Variants in FAM111A observed in about 807,000 individuals in gnomAD.
FAM111A encodes FAM111 trypsin like peptidase A.
In FAM111A, 8 loss-of-function variants were observed where a neutral mutation model predicts 3.3. The ratio of observed to expected loss-of-function variants is 2.39; its 90% CI spans 1.40 to 4.32. The LOEUF (loss-of-function observed/expected upper bound fraction) is 4.32. Among genes scored for constraint, FAM111A ranks in the 30% most tolerant of loss-of-function variants. FAM111A has a pLI of 0.00. For synonymous variants in FAM111A, 227 were observed against 243.1 expected, an observed-to-expected ratio of 0.93 and a Z score of 0.62; for missense variants, 683 against 727.6, an observed-to-expected ratio of 0.94 and a Z score of 0.71.
In FAM111A at chr11:59,152,542, T is replaced by C; in HGVS notation, c.874T>C (p.Leu292=). 1 of 1,614,066 alleles carries C rather than the reference T, an allele frequency of 6.2e-7. No individual in the cohort carries two copies. The highest frequency in any genetic ancestry group is 8.5e-7 in the Non-Finnish European group (1 of 1,180,022). The change falls in exon 6 of 6, where the codon TTG becomes CTG. Residue 292 remains leucine, a synonymous_variant. Transcript: ENST00000675163. ...GTCAGAGAAAAGAAACACCTGTGTG[T>C]TGAGAGAACAAATCGTGGCTCAGTA... ...PESEKRNTCV[L]REQIVAQYPS... is the part of the protein sequence containing the mutation.
rs920664139 is a variant in FAM111A at position 59,142,938 on chromosome 11, T to C, written c.-536T>C. 1.3e-5 allele frequency: 2 copies of C among 152,166 alleles called. No homozygotes were observed. The highest frequency in any genetic ancestry group is 2.9e-5 in the Non-Finnish European group (2 of 68,082). 9.4% of individuals were successfully genotyped at this position (152,166 alleles called of 1,614,324 possible). On this transcript the variant is annotated 5_prime_UTR_variant, in exon 1 of 6. Coordinates refer to ENST00000675163, the MANE Select transcript of FAM111A (RefSeq NM_001312909.2). ...CTCGGGACTGGGGAAACCGGGAGAA[T>C]AGAAGCAGGCAAGGACCGCCGTGGG... is the stretch of plus-strand genomic sequence containing the variant.
chr11:59,150,542 C>G (rs1157342696), intron 5 of FAM111A, among the ~76,000 whole-genome samples: 4 of 152,096 alleles, frequency 2.6e-5, no homozygotes, highest in Non-Finnish European at 5.9e-5. Context: ...ACATAGGAAA[C>G]AGACACTCTA....
In FAM111A at chr11:59,151,445, C is replaced by T. The variant is rs541036364; in HGVS notation, c.82-305C>T. Among the ~76,000 whole-genome samples, 5 of 152,344 alleles carry T rather than the reference C, an allele frequency of 3.3e-5. No individual in the cohort carries two copies. The East Asian group carries it at 9.6e-4, about 29-fold the overall frequency. ...GAATTGCAGGTGGGAGCCACCATGC[C>T]CGGCCACTAGTGAACTTTTAAGAAT... is the stretch of plus-strand genomic sequence containing the variant. On this transcript the variant is annotated intron_variant, in intron 5 of 5. Coordinates refer to ENST00000675163, the MANE Select transcript of FAM111A (RefSeq NM_001312909.2).
rs114634830 is a variant in FAM111A at position 59,152,967 on chromosome 11, A to G, written c.1299A>G (p.Ile433Met). Reference sequence around the variant, plus strand: ...TTTTTGTTGAACCTTGGTTTGAGATACATAATGAAGAGCTTGACTATGCTG... The same window carrying G: ...TTTTTGTTGAACCTTGGTTTGAGATGCATAATGAAGAGCTTGACTATGCTG... ...NYFFVEPWFE[I>M]HNEELDYAVL... is the part of the protein sequence containing the mutation. The change falls in exon 6 of 6, where the codon ATA (isoleucine) becomes ATG (methionine). Residue 433 changes from isoleucine to methionine, a missense_variant. Physicochemically the swap from Ile to Met is conservative, Grantham distance 10. Transcript: ENST00000675163. 1,623 of 1,614,214 alleles carry G rather than the reference A, an allele frequency of 1.0e-3. 17 individuals are homozygous for G. The African/African-American group carries it at 0.018, about 18-fold the overall frequency.
In FAM111A at chr11:59,152,388, G is replaced by T. The variant is rs758273623; in HGVS notation, c.720G>T (p.Trp240Cys). Reference protein sequence around the residue: ...RFLSFLENDDWKLIENNDTIL... With the variant: ...RFLSFLENDDCKLIENNDTIL... ...TTTCCTTTCTGGAGAATGATGATTGGAAACTCATTGAAAACAATGACACCA... is the reference window on the plus strand; with the variant it reads ...TTTCCTTTCTGGAGAATGATGATTGTAAACTCATTGAAAACAATGACACCA... The change falls in exon 6 of 6, where the codon TGG becomes TGT. Residue 240 changes from tryptophan (W) to cysteine (C), a missense_variant. Coordinates refer to ENST00000675163, the MANE Select transcript of FAM111A (RefSeq NM_001312909.2). 16 of 1,613,992 alleles carry T rather than the reference G, an allele frequency of 9.9e-6. No individual in the cohort carries two copies. The highest frequency in any genetic ancestry group is 1.3e-5 in the African/African-American group (1 of 74,902).
In FAM111A at chr11:59,152,452, A is replaced by G. The variant is rs1205563815; in HGVS notation, c.784A>G (p.Arg262Gly). 6.2e-7 allele frequency: 1 copy of G among 1,613,906 alleles called. No homozygotes were observed. Among genetic ancestry groups the G allele is most frequent in the Non-Finnish European group, 8.5e-7 (1 of 1,179,888 alleles). The change falls in exon 6 of 6, where the codon AGA becomes GGA. Residue 262 changes from arginine (R) to glycine (G), a missense_variant. Transcript: ENST00000675163. ...CCAGCCAGTTGATGAATTAGAAGGC[A>G]GATACTTTCAGGTTGAGGTTGAGAA... Reference protein sequence around the residue: ...STQPVDELEGRYFQVEVEKRM... With the variant: ...STQPVDELEGGYFQVEVEKRM...
intron 4 of FAM111A, among the ~76,000 whole-genome samples, chr11:59,147,354 A>G (rs60845282): frequency 0.014 from 2,064 of 152,288 alleles, 41 homozygotes; most frequent in African/African-American, 0.047. Context: ...GCTGAAGAGA[A>G]CAGATAAGTT....
At chr11:59,150,546 C>T (rs1272556225) in intron 5 of FAM111A, among the ~76,000 whole-genome samples, 1 of 152,136 alleles carries the variant, frequency 6.6e-6, no homozygotes, top group Non-Finnish European at 1.5e-5. Context: ...AGGAAACAGA[C>T]ACTCTAATTT....
rs374663691 is a variant in FAM111A, at chr11:59,152,403, C to G, written c.735C>G (p.Asn245Lys). 1.9e-6 allele frequency: 3 copies of G among 1,614,024 alleles called. No homozygotes were observed. The African/African-American group carries it at 4.0e-5, about 22-fold the overall frequency. ...LENDDWKLIENNDTILESTQP... is the reference protein window; with the variant it reads ...LENDDWKLIEKNDTILESTQP... ...ATGATGATTGGAAACTCATTGAAAA[C>G]AATGACACCATTTTAGAAAGCACCC... is the stretch of plus-strand genomic sequence containing the variant. Residue 245 changes from asparagine to lysine, a missense_variant, in exon 6 of 6, where the codon AAC (asparagine) becomes AAG (lysine). Transcript: ENST00000675163.
In FAM111A at chr11:59,152,701, A is replaced by C; in HGVS notation, c.1033A>C (p.Lys345Gln). ...GKVTKNSSSIKVVKLLVRLSD... is the reference protein window; with the variant it reads ...GKVTKNSSSIQVVKLLVRLSD... ...AGTAACAAAAAATTCTTCTTCGATTAAAGTAGTGAAACTTCTTGTACGTCT... is the reference window on the plus strand; with the variant it reads ...AGTAACAAAAAATTCTTCTTCGATTCAAGTAGTGAAACTTCTTGTACGTCT... The change falls in exon 6 of 6, where the codon AAA (lysine) becomes CAA (glutamine). Residue 345 changes from lysine to glutamine, a missense_variant. Around this residue, in one of 3 missense-constraint regions of FAM111A, gnomAD observed 557 missense variants for 600.2 expected, o/e 0.93. Transcript: ENST00000675163. The C allele has an allele frequency of 6.2e-7, 1 of 1,614,230 alleles. No individual in the cohort carries two copies. The highest frequency in any genetic ancestry group is 1.1e-5 in the South Asian group (1 of 91,082).
At chr11:59,146,879 A>G (rs1382392463) in intron 4 of FAM111A, among the ~76,000 whole-genome samples, 1 of 152,224 alleles carries the variant, frequency 6.6e-6, no homozygotes, top group East Asian at 1.9e-4. Context: ...TATAAAGGAA[A>G]CTGTGTACCT....
At position 59,153,356 on chromosome 11, in the gene FAM111A, C is replaced by G; in HGVS notation, c.1688C>G (p.Thr563Ser). Residue 563 changes from threonine (T) to serine (S), a missense_variant, in exon 6 of 6, where the codon ACT (threonine) becomes AGT (serine). Transcript: ENST00000675163. ...VAMHAAGFAY[T>S]YQNETRSIIE... Reference sequence around the variant, plus strand: ...ATGCATGCTGCTGGCTTTGCTTATACTTACCAAAATGAGACTCGTAGTATC... The same window carrying G: ...ATGCATGCTGCTGGCTTTGCTTATAGTTACCAAAATGAGACTCGTAGTATC... 1 of 1,614,168 alleles carries G rather than the reference C, an allele frequency of 6.2e-7. No homozygotes were observed. The highest frequency in any genetic ancestry group is 8.5e-7 in the Non-Finnish European group (1 of 1,180,030).
intron 5 of FAM111A, among the ~76,000 whole-genome samples, chr11:59,151,359 C>A (rs913323302): frequency 1.3e-5 from 2 of 152,226 alleles, no homozygotes; most frequent in African/African-American, 4.8e-5. Context: ...CCATGTTGAT[C>A]ATGCTGGTCT....
chr11:59,150,561 C>A (rs935183385), intron 5 of FAM111A, among the ~76,000 whole-genome samples: 1 of 152,148 alleles, frequency 6.6e-6, no homozygotes, highest in Non-Finnish European at 1.5e-5. Context: ...TAATTTTTCA[C>A]TGAGTTTCTA....
chr11:59,152,539 G>A lies in FAM111A; in HGVS notation c.871G>A (p.Val291Met), dbSNP rs1400464845. 5 of 1,614,146 alleles carry A rather than the reference G, an allele frequency of 3.1e-6. No individual in the cohort carries two copies. The highest frequency in any genetic ancestry group is 4.2e-6 in the Non-Finnish European group (5 of 1,180,032). Reference sequence around the variant, plus strand: ...TGAGTCAGAGAAAAGAAACACCTGTGTGTTGAGAGAACAAATCGTGGCTCA... The same window carrying A: ...TGAGTCAGAGAAAAGAAACACCTGTATGTTGAGAGAACAAATCGTGGCTCA... ...NPESEKRNTC[V>M]LREQIVAQYP... The change falls in exon 6 of 6, where the codon GTG (valine) becomes ATG (methionine). Residue 291 changes from valine to methionine, a missense_variant. Around this residue, in one of 3 missense-constraint regions of FAM111A, gnomAD observed 557 missense variants for 600.2 expected, o/e 0.93. Coordinates refer to ENST00000675163, the MANE Select transcript of FAM111A (RefSeq NM_001312909.2).
In FAM111A at chr11:59,154,988, A is replaced by G. The variant is rs1862135364; in HGVS notation, c.*1484A>G. 1 of 152,506 alleles carries G rather than the reference A, an allele frequency of 6.6e-6. No individual in the cohort carries two copies. Among genetic ancestry groups the G allele is most frequent in the Non-Finnish European group, 1.5e-5 (1 of 68,030 alleles). The allele number at this position is 152,506 out of a possible 1,614,324, so 9.4% of individuals were successfully genotyped here. A position where few individuals can be genotyped will look rare whatever the true frequency, so the allele number is the denominator to read the frequency against. ...TGAGTGCCGCCATTTAGTGGCTGCT[A>G]GAAACATTGCTTCTGTTTGTAAGTT... is the stretch of plus-strand genomic sequence containing the variant. On this transcript the variant is annotated 3_prime_UTR_variant, in exon 6 of 6. Coordinates refer to ENST00000675163, the MANE Select transcript of FAM111A (RefSeq NM_001312909.2).
At position 59,152,744 on chromosome 11, in the gene FAM111A, A is replaced by G; in HGVS notation, c.1076A>G (p.Tyr359Cys). 6.2e-7 allele frequency: 1 copy of G among 1,614,216 alleles called. No individual in the cohort carries two copies. ...LLVRLSDSVG[Y>C]LFWDSATTGY... ...GTACGTCTCAGTGACTCAGTTGGGTACTTATTCTGGGACAGTGCAACTACG... is the reference window on the plus strand; with the variant it reads ...GTACGTCTCAGTGACTCAGTTGGGTGCTTATTCTGGGACAGTGCAACTACG... Residue 359 changes from tyrosine (Y) to cysteine (C), a missense_variant, in exon 6 of 6, where the codon TAC becomes TGC. Tyr to Cys is a radical substitution (Grantham distance 194). Coordinates refer to ENST00000675163, the MANE Select transcript of FAM111A (RefSeq NM_001312909.2).
chr11:59,144,297 C>T (rs1354345694), intron 3 of FAM111A: 1 of 152,240 alleles, frequency 6.6e-6, no homozygotes, highest in Non-Finnish European at 1.5e-5. Context: ...TTGAGGCTCT[C>T]CCTGATCTCA....
At chr11:59,151,398 G>A (rs577110722) in intron 5 of FAM111A, among the ~76,000 whole-genome samples, 9 of 152,280 alleles carry the variant, frequency 5.9e-5, no homozygotes, top group East Asian at 1.9e-4. Context: ...TGATCCACCC[G>A]CCTTGGCCTC....
Sources: allele counts gnomAD v4.1 joint callset (sites outside exome capture counted in the v4.1 genomes callset), GRCh38; gene constraint gnomAD v4.1.1; regional missense constraint gnomAD v4.1.1; transcripts MANE v1.5; gene names NCBI Gene and HGNC (gene_info 2026-07-23, HGNC 2026-07-21).